SLC44A3: variants seen among roughly 807,000 people sequenced by gnomAD.
SLC44A3 encodes the protein choline transporter-like protein 3.
Under a neutral mutation model 75.4 loss-of-function variants are expected in SLC44A3, and 74 were observed. The observed-to-expected ratio is 0.98, with a 90% CI of 0.81 to 1.19. SLC44A3 has a LOEUF of 1.19. SLC44A3 is among the 50% of genes most tolerant of loss of function. The pLI, the probability that SLC44A3 is intolerant of heterozygous loss-of-function variation, is 0.00. For synonymous variants in SLC44A3, 310 were observed against 296.9 expected, an observed-to-expected ratio of 1.04 and a Z score of -0.45; for missense variants, 700 against 778.6, an observed-to-expected ratio of 0.90 and a Z score of 1.20.
rs1336558629 is a variant in SLC44A3 at position 94,891,137 on chromosome 1, ATAC to A, written c.1494_1496del (p.Thr500del). 7 of 1,601,426 alleles carry A rather than the reference ATAC, an allele frequency of 4.4e-6. No homozygotes were observed. In the African/African-American group the frequency reaches 6.8e-5, roughly 15 times the overall value. ...AATTCTCTTCTGTTTCAGAATGCAT[ATAC>A]TACAACTGCTATTAATGGGACAGAT... On this transcript the variant is annotated inframe_deletion, in exon 13 of 15. Transcript: ENST00000271227.
chr1:94,887,075 G>T (rs902487228), intron 12 of SLC44A3, among the ~76,000 whole-genome samples: 1 of 151,854 alleles, frequency 6.6e-6, no homozygotes, highest in East Asian at 1.9e-4. Context: ...CCAATAAAAC[G>T]TGTTTCCTAG....
chr1:94,822,131 C>T (rs9432382), intron 2 of SLC44A3, among the ~76,000 whole-genome samples: 90,571 of 151,920 alleles, frequency 0.6, 27,217 homozygotes, highest in South Asian at 0.67. Context: ...TGCCTGGCAG[C>T]TTTGACCTCA....
intron 8 of SLC44A3, among the ~76,000 whole-genome samples, chr1:94,842,943 T>C (rs1214609738): frequency 6.6e-6 from 1 of 152,212 alleles, no homozygotes; most frequent in Non-Finnish European, 1.5e-5. Flanking sequence ...AGGTTTTGGG[T>C]TTGTGATCTT....
At chr1:94,887,671 A>C (rs916540429) in intron 12 of SLC44A3, among the ~76,000 whole-genome samples, 2 of 152,208 alleles carry the variant, frequency 1.3e-5, no homozygotes, top group African/African-American at 4.8e-5. Flanking sequence ...AGTCCCCACA[A>C]AAACAGTGCT....
intron 8 of SLC44A3, among the ~76,000 whole-genome samples, chr1:94,844,584 A>G (rs1664148107): frequency 6.6e-6 from 1 of 152,232 alleles, no homozygotes; most frequent in African/African-American, 2.4e-5. Flanking sequence ...GCTGAAGTCA[A>G]GCAAGACCTG....
intron 12 of SLC44A3, among the ~76,000 whole-genome samples, chr1:94,885,038 G>C (rs1209606231): frequency 6.6e-6 from 1 of 152,064 alleles, no homozygotes; most frequent in Non-Finnish European, 1.5e-5. Flanking sequence ...ATGAGGTCAG[G>C]AGTTTGAGAC....
chr1:94,848,160 C>T (rs144377870), intron 9 of SLC44A3, among the ~76,000 whole-genome samples: 2,048 of 149,412 alleles, frequency 0.014, 55 homozygotes, highest in African/African-American at 0.048. Flanking sequence ...ACCCGGGAGG[C>T]GGAGGGTGCA....
chr1:94,852,924 T>C (rs1665396688), intron 9 of SLC44A3, among the ~76,000 whole-genome samples: 1 of 152,192 alleles, frequency 6.6e-6, no homozygotes. Context: ...TTAATTGAAA[T>C]GTCTTTTAGA....
chr1:94,821,129 T>A, intron 2 of SLC44A3, 73 bp downstream of exon 2: 1 of 187,898 alleles, frequency 5.3e-6, no homozygotes, highest in Non-Finnish European at 8.0e-6. Context: ...GTCCCAAATG[T>A]AAATCGTAGT....
At chr1:94,875,557 T>A (rs147524179) in intron 12 of SLC44A3, among the ~76,000 whole-genome samples, 1 of 152,340 alleles carries the variant, frequency 6.6e-6, no homozygotes, top group African/African-American at 2.4e-5. Flanking sequence ...TTACACAGTA[T>A]GTCTACATGA....
At chr1:94,866,192 G>A (rs1421018622) in intron 11 of SLC44A3, among the ~76,000 whole-genome samples, 2 of 152,168 alleles carry the variant, frequency 1.3e-5, no homozygotes, top group South Asian at 4.1e-4. Context: ...TGTGATATGT[G>A]TGTGTGCGCA....
chr1:94,888,001 A>G (rs1045411481), intron 12 of SLC44A3, among the ~76,000 whole-genome samples: 4 of 151,748 alleles, frequency 2.6e-5, no homozygotes, highest in Non-Finnish European at 5.9e-5. Context: ...GATAATAACC[A>G]CTCTTTATTA....
rs1310891672 is a variant in SLC44A3, at chr1:94,845,412, C to T, written c.1020C>T (p.Leu340=). Residue 340 remains leucine, a synonymous_variant, in exon 9 of 15, where the codon CTC becomes CTT. Transcript: ENST00000271227. The part of the protein sequence containing the change: ...LFQPLWTFAI[L]IFFWVLWVAV... Reference sequence around the variant, plus strand: ...AGCCACTGTGGACATTTGCCATCCTCATTTTCTTCTGGGTCCTCTGGGTGG... The same window carrying T: ...AGCCACTGTGGACATTTGCCATCCTTATTTTCTTCTGGGTCCTCTGGGTGG... The T allele has an allele frequency of 4.3e-6, 7 of 1,613,882 alleles. No homozygotes were observed. The highest frequency in any genetic ancestry group is 2.7e-5 in the African/African-American group (2 of 74,934).
At chr1:94,863,414 A>G (rs963984475) in intron 10 of SLC44A3, among the ~76,000 whole-genome samples, 20 of 152,136 alleles carry the variant, frequency 1.3e-4, no homozygotes, top group African/African-American at 4.1e-4. Context: ...CCTATGAATC[A>G]TGTGTTTCCC....
chr1:94,868,115 C>T (rs977552861), intron 12 of SLC44A3, among the ~76,000 whole-genome samples: 1 of 151,980 alleles, frequency 6.6e-6, no homozygotes, highest in Non-Finnish European at 1.5e-5. Flanking sequence ...AGATTTTTTT[C>T]CTTTCCTGAA....
At chr1:94,867,042 G>GT (rs980608048) in intron 11 of SLC44A3, among the ~76,000 whole-genome samples, 101 of 145,906 alleles carry the variant, frequency 6.9e-4, no homozygotes, top group South Asian at 1.1e-3. Flanking sequence ...GGGAAGAGAG[G>GT]TTTTTTTTTT....
At chr1:94,888,735 G>GTTTTTTTTTTTTTT (rs1553212878) in intron 12 of SLC44A3, 1 of 837,036 alleles carries the variant, frequency 1.2e-6, no homozygotes, top group African/African-American at 3.8e-5. Context: ...CCAGCCTTTT[G>GTTTTTTTTTTTTTT]TCTTTTTTTT....
chr1:94,879,221 A>G (rs2101593388), intron 12 of SLC44A3, among the ~76,000 whole-genome samples: 1 of 151,964 alleles, frequency 6.6e-6, no homozygotes, highest in African/African-American at 2.4e-5. Flanking sequence ...CTACAAAAAA[A>G]AAAAACCCGA....
chr1:94,885,669 A>G (rs766836562), intron 12 of SLC44A3, among the ~76,000 whole-genome samples: 4 of 152,196 alleles, frequency 2.6e-5, no homozygotes, highest in Non-Finnish European at 4.4e-5. Flanking sequence ...TGGACGCAAC[A>G]TCTATGACAC....
Sources: allele counts gnomAD v4.1 joint callset (sites outside exome capture counted in the v4.1 genomes callset), GRCh38; gene constraint gnomAD v4.1.1; transcripts MANE v1.5; gene names NCBI Gene and HGNC (gene_info 2026-07-23, HGNC 2026-07-21).